CTNNA3: variants seen among roughly 807,000 people sequenced by gnomAD.
CTNNA3 encodes catenin alpha-3.
A neutral mutation model predicts 95.7 loss-of-function variants in CTNNA3; 76 were observed. The ratio of observed to expected loss-of-function variants is 0.79; its 90% CI spans 0.66 to 0.96. The LOEUF (loss-of-function observed/expected upper bound fraction) is 0.96, where lower values mean the gene tolerates loss of function less well. Ranked by LOEUF, CTNNA3 falls within the 40% of genes least tolerant of loss-of-function variation. The pLI, the probability that CTNNA3 is intolerant of heterozygous loss-of-function variation, is 0.00. For synonymous variants in CTNNA3, 431 were observed against 374.4 expected (o/e 1.15, Z -1.74); for missense variants, 1,191 against 1,089.8 (o/e 1.09, Z -1.31).
At chr10:66,841,981 T>A (rs1843081592) in intron 7 of CTNNA3, among the ~76,000 whole-genome samples, 1 of 152,128 alleles carries the variant, frequency 6.6e-6, no homozygotes, top group Non-Finnish European at 1.5e-5. Flanking sequence ...ACTCTGTCAC[T>A]AAGGCTGGAG....
At chr10:67,566,715 T>G (rs1841816448) in intron 3 of CTNNA3, among the ~76,000 whole-genome samples, 1 of 152,010 alleles carries the variant, frequency 6.6e-6, no homozygotes, top group Admixed American at 6.6e-5. Flanking sequence ...TAAAGACACA[T>G]GCACATGTAT....
chr10:66,405,375 G>C (rs116575501), intron 11 of CTNNA3, among the ~76,000 whole-genome samples: 1 of 152,056 alleles, frequency 6.6e-6, no homozygotes, highest in African/African-American at 2.4e-5. Flanking sequence ...AATAAATTGC[G>C]TTAATATTCC....
chr10:66,605,908 G>A (rs1292263026), intron 10 of CTNNA3, among the ~76,000 whole-genome samples: 3 of 152,046 alleles, frequency 2.0e-5, no homozygotes, highest in East Asian at 1.9e-4. Flanking sequence ...AAGTTTGCAC[G>A]CTAACCACCT....
At chr10:67,356,187 A>G (rs940916312) in intron 5 of CTNNA3, among the ~76,000 whole-genome samples, 21 of 152,116 alleles carry the variant, frequency 1.4e-4, no homozygotes, top group African/African-American at 4.8e-4. Flanking sequence ...CCTCCTGAAT[A>G]CTGCCTCCAC....
intron 5 of CTNNA3, among the ~76,000 whole-genome samples, chr10:67,488,619 C>T (rs1848536250): frequency 1.3e-5 from 2 of 151,716 alleles, no homozygotes; most frequent in South Asian, 2.1e-4. Flanking sequence ...AATCCACCCA[C>T]CTCGGCCTCC....
intron 7 of CTNNA3, among the ~76,000 whole-genome samples, chr10:66,955,397 A>C (rs1038235221): frequency 2.0e-5 from 3 of 152,178 alleles, no homozygotes; most frequent in African/African-American, 7.2e-5. Flanking sequence ...TTATTCTCAC[A>C]ATCACCCTAT....
At chr10:66,029,501 T>C (rs1201224127) in intron 15 of CTNNA3, among the ~76,000 whole-genome samples, 1 of 152,198 alleles carries the variant, frequency 6.6e-6, no homozygotes, top group Non-Finnish European at 1.5e-5. Context: ...CTGAACTTCC[T>C]TATGTACCTC....
chr10:67,362,090 C>A (rs1843009002), intron 5 of CTNNA3, among the ~76,000 whole-genome samples: 1 of 151,972 alleles, frequency 6.6e-6, no homozygotes, highest in Admixed American at 6.6e-5. Context: ...AAACTCTGAC[C>A]TGATCAATAA....
At chr10:67,051,983 G>A (rs898530907) in intron 7 of CTNNA3, among the ~76,000 whole-genome samples, 2 of 148,516 alleles carry the variant, frequency 1.3e-5, no homozygotes, top group African/African-American at 5.0e-5. Context: ...TCAAACTCCT[G>A]ACCTCAGGTG....
intron 10 of CTNNA3, among the ~76,000 whole-genome samples, chr10:66,565,699 G>A (rs896352004): frequency 2.7e-4 from 41 of 152,214 alleles, no homozygotes; most frequent in African/African-American, 9.9e-4. Flanking sequence ...CATAAACTCA[G>A]GAAAGTTTTT....
At chr10:66,450,290 A>T (rs2093454859) in intron 11 of CTNNA3, among the ~76,000 whole-genome samples, 1 of 152,166 alleles carries the variant, frequency 6.6e-6, no homozygotes, top group Non-Finnish European at 1.5e-5. Context: ...TTTTCCAGAA[A>T]ATAAAAACAC....
intron 2 of CTNNA3, among the ~76,000 whole-genome samples, chr10:67,629,312 C>T (rs1368751423): frequency 1.8e-4 from 28 of 152,090 alleles, no homozygotes; most frequent in Admixed American, 1.8e-3. Context: ...TGGCCTTCAC[C>T]CCTACACTGC....
chr10:66,966,931 G>A (rs1163963925), intron 7 of CTNNA3, among the ~76,000 whole-genome samples: 1 of 151,906 alleles, frequency 6.6e-6, no homozygotes, highest in Admixed American at 6.6e-5. Context: ...CAACTAAATG[G>A]GAGAATTAGA....
intron 3 of CTNNA3, among the ~76,000 whole-genome samples, chr10:67,579,903 T>G (rs1218427044): frequency 1.3e-5 from 2 of 152,242 alleles, no homozygotes; most frequent in Non-Finnish European, 2.9e-5. Context: ...ATGGGGTTGT[T>G]TGATTTTTTC....
At chr10:67,468,397 A>G (rs1847684284) in intron 5 of CTNNA3, among the ~76,000 whole-genome samples, 1 of 152,152 alleles carries the variant, frequency 6.6e-6, no homozygotes, top group African/African-American at 2.4e-5. Context: ...AGGAAGAAAA[A>G]TAATTTAAAA....
intron 17 of CTNNA3, among the ~76,000 whole-genome samples, chr10:65,926,618 A>C (rs2077172782): frequency 6.6e-6 from 1 of 151,998 alleles, no homozygotes; most frequent in Non-Finnish European, 1.5e-5. Flanking sequence ...CTGGGATTAC[A>C]GGCATGTGCC....
chr10:67,069,025 C>T (rs1016097485), intron 7 of CTNNA3, among the ~76,000 whole-genome samples: 1 of 150,020 alleles, frequency 6.7e-6, no homozygotes, highest in African/African-American at 2.5e-5. Context: ...CTGAACTCCA[C>T]TCTGGGCAAC....
chr10:66,948,258 A>G (rs998888371), intron 7 of CTNNA3, among the ~76,000 whole-genome samples: 6 of 152,184 alleles, frequency 3.9e-5, no homozygotes, highest in African/African-American at 1.4e-4. Flanking sequence ...CTGGTAGTTG[A>G]GGCATCGTAT....
At chr10:66,237,592 G>A (rs1422630458) in intron 13 of CTNNA3, among the ~76,000 whole-genome samples, 1 of 151,534 alleles carries the variant, frequency 6.6e-6, no homozygotes, top group African/African-American at 2.4e-5. Flanking sequence ...GTGTGAATAT[G>A]TAGTATTACA....
Sources: allele counts gnomAD v4.1 joint callset (sites outside exome capture counted in the v4.1 genomes callset), GRCh38; gene constraint gnomAD v4.1.1; transcripts MANE v1.5; gene names NCBI Gene and HGNC (gene_info 2026-07-23, HGNC 2026-07-21).